The following SMC5 variants were observed in gnomAD, a reference collection of about 807,000 sequenced individuals.
SMC5 encodes the protein structural maintenance of chromosomes 5, also known as structural maintenance of chromosomes protein 5.
Under a neutral mutation model 148.3 loss-of-function variants are expected in SMC5, and 88 were observed. That is an observed-to-expected ratio of 0.59 (90% confidence interval 0.50 to 0.71). SMC5 has a LOEUF of 0.71. Among genes scored for constraint, SMC5 ranks in the 30% least tolerant of loss-of-function variants. The probability of loss-of-function intolerance (pLI) is 0.00; values close to 1 mark genes in which losing one functional copy is unlikely to be tolerated. For synonymous variants in SMC5, 421 were observed against 432.8 expected, an observed-to-expected ratio of 0.97 and a Z score of 0.34; for missense variants, 1,142 against 1,298.9, an observed-to-expected ratio of 0.88 and a Z score of 1.86.
intron 17 of SMC5, among the ~76,000 whole-genome samples, chr9:70,335,140 ATATGTC>A (rs2036325627): frequency 6.6e-6 from 1 of 152,194 alleles, no homozygotes; most frequent in South Asian, 2.1e-4. Flanking sequence ...AAATGAAAGA[ATATGTC>A]TATGAAAGAC....
intron 11 of SMC5, among the ~76,000 whole-genome samples, chr9:70,305,738 T>A (rs2035478655): frequency 6.6e-6 from 1 of 152,232 alleles, no homozygotes; most frequent in African/African-American, 2.4e-5. Flanking sequence ...ATCAGTACAC[T>A]GTTGCTTATT....
At chr9:70,292,997 C>G (rs1304823924) in intron 8 of SMC5, among the ~76,000 whole-genome samples, 1 of 152,040 alleles carries the variant, frequency 6.6e-6, no homozygotes, top group Non-Finnish European at 1.5e-5. Context: ...AGGATAATAA[C>G]TAGCTTCATA....
intron 6 of SMC5, among the ~76,000 whole-genome samples, chr9:70,281,470 T>A (rs974797937): frequency 6.6e-6 from 1 of 152,224 alleles, no homozygotes; most frequent in Non-Finnish European, 1.5e-5. Flanking sequence ...GTTTTAAAGA[T>A]GTTAATGATC....
At chr9:70,335,373 G>A (rs1259385898) in intron 17 of SMC5, among the ~76,000 whole-genome samples, 3 of 152,144 alleles carry the variant, frequency 2.0e-5, no homozygotes, top group Non-Finnish European at 2.9e-5. Context: ...TGTAGTCCCA[G>A]CTACTTGAGA....
intron 17 of SMC5, among the ~76,000 whole-genome samples, chr9:70,335,662 C>T (rs530801944): frequency 1.3e-5 from 2 of 152,118 alleles, no homozygotes; most frequent in Non-Finnish European, 2.9e-5. Flanking sequence ...AGAGAGCATA[C>T]ACTATATAAT....
intron 5 of SMC5, among the ~76,000 whole-genome samples, chr9:70,279,887 T>A (rs899902227): frequency 6.6e-6 from 1 of 152,028 alleles, no homozygotes; most frequent in Admixed American, 6.6e-5. Context: ...GCAGGTTTGT[T>A]ATATAGGCAC....
intron 17 of SMC5, among the ~76,000 whole-genome samples, chr9:70,331,286 T>G (rs2036211460): frequency 6.6e-6 from 1 of 152,218 alleles, no homozygotes; most frequent in Admixed American, 6.5e-5. Context: ...TCTAAAATAC[T>G]TTCAAGGAAA....
rs1486488274 is a variant in SMC5 at position 70,318,519 on chromosome 9, A to G, written c.1812A>G (p.Ile604Met). The change falls in exon 14 of 25, where the codon ATA (isoleucine) becomes ATG (methionine). Residue 604 changes from isoleucine (I) to methionine (M), a missense_variant. Transcript: ENST00000361138. ...EKTRERIERV[I>M]QETRLKQIYT... ...ATAGTTGTTTTACGTTATAGGTAAT[A>G]CAAGAAACCCGATTAAAACAGATTT... is the stretch of plus-strand genomic sequence containing the variant. 1 of 1,595,284 alleles carries G rather than the reference A, an allele frequency of 6.3e-7. No homozygotes were observed. The highest frequency in any genetic ancestry group is 1.1e-5 in the South Asian group (1 of 87,096).
intron 11 of SMC5, among the ~76,000 whole-genome samples, chr9:70,307,603 A>G (rs73454795): frequency 0.21 from 32,083 of 151,866 alleles, 3,521 homozygotes; most frequent in South Asian, 0.28. Flanking sequence ...CCCAGGTTCA[A>G]GCAATTCCCC....
At chr9:70,317,171 A>G (rs907997096) in intron 13 of SMC5, among the ~76,000 whole-genome samples, 8 of 152,120 alleles carry the variant, frequency 5.3e-5, no homozygotes, top group Admixed American at 2.0e-4. Context: ...TATATCCTCA[A>G]TCCTTCTGTT....
chr9:70,297,389 TACTC>T (rs1479015895), intron 8 of SMC5, among the ~76,000 whole-genome samples: 10 of 152,300 alleles, frequency 6.6e-5, no homozygotes, highest in East Asian at 5.8e-4. Context: ...TTTAAATACT[TACTC>T]ACACATAAAT....
chr9:70,314,587 T>C (rs10868801), intron 11 of SMC5, among the ~76,000 whole-genome samples, 155 bp from the exon 12 acceptor site: 72,351 of 150,310 alleles, frequency 0.48, 20,479 homozygotes, highest in Non-Finnish European at 0.62. Context: ...TACAGTATTA[T>C]CACAGTAAAA....
intron 5 of SMC5, among the ~76,000 whole-genome samples, chr9:70,279,257 T>C (rs1209743211): frequency 1.3e-5 from 2 of 152,180 alleles, no homozygotes; most frequent in Non-Finnish European, 2.9e-5. Flanking sequence ...GGCTCAGACC[T>C]GCAATCCCAA....
At chr9:70,277,279 T>C (rs1587629346) in intron 3 of SMC5, 31 bp from the exon 4 acceptor site, 1 of 1,413,078 alleles carries the variant, frequency 7.1e-7, no homozygotes, top group Non-Finnish European at 9.3e-7. Context: ...ATATTTTGAA[T>C]ATAAAGATTC....
intron 17 of SMC5, among the ~76,000 whole-genome samples, chr9:70,333,893 T>TG (rs35611574): frequency 0.86 from 131,547 of 152,136 alleles, 57,140 homozygotes; most frequent in Non-Finnish European, 0.91. Flanking sequence ...CTTCCAAATC[T>TG]TAAATTCAAT....
intron 21 of SMC5, 57 bp from the exon 22 acceptor site, chr9:70,347,862 G>A (rs2036707675): frequency 1.3e-6 from 2 of 1,483,634 alleles, no homozygotes; most frequent in African/African-American, 1.4e-5. Context: ...AAAATTGTGT[G>A]TCAGAATATA....
chr9:70,334,064 A>G (rs967437177), intron 17 of SMC5, among the ~76,000 whole-genome samples: 2 of 151,994 alleles, frequency 1.3e-5, no homozygotes, highest in Non-Finnish European at 1.5e-5. Context: ...AAAAGTAGAT[A>G]TATATGGATC....
At chr9:70,334,148 C>CAAAG (rs1256036730) in intron 17 of SMC5, among the ~76,000 whole-genome samples, 1 of 137,784 alleles carries the variant, frequency 7.3e-6, no homozygotes, top group East Asian at 2.1e-4. Flanking sequence ...TTTTTTTTGA[C>CAAAG]AAAGATGCCC....
chr9:70,275,290 A>G (rs2034557747), intron 3 of SMC5, among the ~76,000 whole-genome samples: 1 of 152,088 alleles, frequency 6.6e-6, no homozygotes, highest in Admixed American at 6.6e-5. Context: ...GACTCACTGC[A>G]TCCTTGACCT....
Sources: allele counts gnomAD v4.1 joint callset (sites outside exome capture counted in the v4.1 genomes callset), GRCh38; gene constraint gnomAD v4.1.1; transcripts MANE v1.5; gene names NCBI Gene and HGNC (gene_info 2026-07-23, HGNC 2026-07-21).